TBC1D9: variants seen among roughly 807,000 people sequenced by gnomAD.
The protein encoded by TBC1D9 is TBC1 domain family member 9.
A neutral mutation model predicts 132.0 loss-of-function variants in TBC1D9; 63 were observed. That is an observed-to-expected ratio of 0.48 (90% CI 0.39 to 0.59). The LOEUF (loss-of-function observed/expected upper bound fraction) is 0.59, where lower values mean the gene tolerates loss of function less well. Ranked by LOEUF, TBC1D9 falls within the 20% of genes least tolerant of loss-of-function variation. The probability of loss-of-function intolerance (pLI) is 0.00; values close to 1 mark genes in which losing one functional copy is unlikely to be tolerated. For synonymous variants in TBC1D9, 610 were observed against 609.9 expected (o/e 1.00, Z 0.00); for missense variants, 1,261 against 1,592.7 (o/e 0.79, Z 3.54).
At chr4:140,702,473 GC>G (rs1217722437) in intron 1 of TBC1D9, among the ~76,000 whole-genome samples, 8 of 152,248 alleles carry the variant, frequency 5.3e-5, no homozygotes, top group African/African-American at 7.2e-5. Context: ...GGTGGAAGGT[GC>G]CTCTAAGGTG....
chr4:140,683,070 A>G (rs927021532), intron 3 of TBC1D9, among the ~76,000 whole-genome samples: 1 of 151,670 alleles, frequency 6.6e-6, no homozygotes, highest in East Asian at 1.9e-4. Context: ...TGTATTTTTG[A>G]TTTCTGCATG....
intron 1 of TBC1D9, among the ~76,000 whole-genome samples, chr4:140,717,148 C>T (rs1050841228): frequency 6.6e-6 from 1 of 152,168 alleles, no homozygotes; most frequent in African/African-American, 2.4e-5. Flanking sequence ...CACTTTCTTC[C>T]TCACGTTCTG....
chr4:140,689,962 T>C, intron 2 of TBC1D9, among the ~76,000 whole-genome samples: 1 of 151,282 alleles, frequency 6.6e-6, no homozygotes, highest in Admixed American at 6.6e-5. Flanking sequence ...CCTCAAGCAA[T>C]CCGCCAGCCT....
At chr4:140,630,857 A>G (rs1736783415) in intron 16 of TBC1D9, among the ~76,000 whole-genome samples, 1 of 152,174 alleles carries the variant, frequency 6.6e-6, no homozygotes, top group African/African-American at 2.4e-5. Context: ...AATCATAACC[A>G]ACATTTTTTT....
chr4:140,624,524 C>A, intron 18 of TBC1D9, 136 bp from the exon 19 acceptor site: 1 of 715,016 alleles, frequency 1.4e-6, no homozygotes, highest in South Asian at 2.0e-5. Context: ...AAAAAAAACT[C>A]CTCAAAACAA....
intron 13 of TBC1D9, among the ~76,000 whole-genome samples, chr4:140,650,377 G>A (rs1308892062): frequency 1.3e-5 from 2 of 152,146 alleles, no homozygotes; most frequent in East Asian, 3.8e-4. Context: ...CTTGCCTCAG[G>A]TGGTAAAGAG....
At position 140,657,124 on chromosome 4, in the gene TBC1D9, G is replaced by T; in HGVS notation, c.2310C>A (p.Ile770=). Residue 770 remains isoleucine, a synonymous_variant, in exon 13 of 21, where the codon ATC becomes ATA. Transcript: ENST00000442267. The part of the protein sequence containing the change: ...DDVEPYPEVD[I]FRLIRTSYEK... ...CGTAGGAAGTTCTGATGAGTCTAAA[G>T]ATGTCTACCTCAGGGTAAGGTTCCA... The T allele has an allele frequency of 1.2e-6, 2 of 1,613,976 alleles. No homozygotes were observed. Among genetic ancestry groups the T allele is most frequent in the Non-Finnish European group, 1.7e-6 (2 of 1,179,876 alleles).
At chr4:140,733,929 C>T (rs1738636527) in intron 1 of TBC1D9, among the ~76,000 whole-genome samples, 1 of 151,784 alleles carries the variant, frequency 6.6e-6, no homozygotes, top group Admixed American at 6.6e-5. Context: ...CCCTCCTTCT[C>T]TCCTCCGCTC....
At chr4:140,736,163 GGGAGAGAGTGAGGGGGAA>G (rs558262376) in intron 1 of TBC1D9, among the ~76,000 whole-genome samples, 8 of 151,840 alleles carry the variant, frequency 5.3e-5, no homozygotes, top group Admixed American at 1.3e-4. Flanking sequence ...GGTTTTATTA[GGGAGAGAGTGAGGGGGAA>G]GGAGAGAGTG....
chr4:140,716,939 AAAC>A (rs1201942946), intron 1 of TBC1D9, among the ~76,000 whole-genome samples: 15 of 151,216 alleles, frequency 9.9e-5, no homozygotes, highest in South Asian at 2.1e-4. Context: ...AAAAAAACAC[AAAC>A]AACAACAACA....
intron 3 of TBC1D9, among the ~76,000 whole-genome samples, chr4:140,681,282 A>G (rs1298223368): frequency 6.6e-6 from 1 of 152,102 alleles, no homozygotes; most frequent in Non-Finnish European, 1.5e-5. Flanking sequence ...CCAAGTCTCA[A>G]AGTCTCTTGT....
At chr4:140,637,884 C>G (rs1736906079) in intron 15 of TBC1D9, among the ~76,000 whole-genome samples, 1 of 152,184 alleles carries the variant, frequency 6.6e-6, no homozygotes, top group African/African-American at 2.4e-5. Flanking sequence ...CAGAAAAATG[C>G]AGGGACTGTG....
chr4:140,729,116 G>A (rs1364338350), intron 1 of TBC1D9, among the ~76,000 whole-genome samples: 1 of 152,046 alleles, frequency 6.6e-6, no homozygotes, highest in Non-Finnish European at 1.5e-5. Flanking sequence ...CCTCTGTCAT[G>A]CAGTCCTCAT....
chr4:140,673,735 A>G (rs1737577042), intron 6 of TBC1D9, among the ~76,000 whole-genome samples: 1 of 152,162 alleles, frequency 6.6e-6, no homozygotes, highest in Non-Finnish European at 1.5e-5. Flanking sequence ...CTTCTGATTT[A>G]CCCTGAAATA....
At chr4:140,632,655 C>T (rs926814674) in intron 16 of TBC1D9, among the ~76,000 whole-genome samples, 5 of 152,092 alleles carry the variant, frequency 3.3e-5, no homozygotes, top group Non-Finnish European at 5.9e-5. Flanking sequence ...ATTTCTTTAG[C>T]TAAATATGGA....
In TBC1D9 at chr4:140,621,869, A is replaced by G. The variant is rs1305077100; in HGVS notation, c.*326T>C. On this transcript the variant is annotated 3_prime_UTR_variant, in exon 21 of 21. Coordinates refer to ENST00000442267, the MANE Select transcript of TBC1D9 (RefSeq NM_015130.3). ...AGCATTAAACAGTACTATTTTTTAA[A>G]CCATGTATACAGCTCAACAGCAAGA... is the stretch of plus-strand genomic sequence containing the variant. The G allele has an allele frequency of 1.5e-5, 3 of 195,536 alleles. No individual in the cohort carries two copies. In the East Asian group the frequency reaches 3.7e-4, roughly 24 times the overall value. 12.1% of individuals were successfully genotyped at this position (195,536 alleles called of 1,614,324 possible).
At chr4:140,634,321 G>A (rs1736843818) in intron 15 of TBC1D9, 133 bp from the exon 16 acceptor site, 10 of 1,271,610 alleles carry the variant, frequency 7.9e-6, no homozygotes, top group Non-Finnish European at 1.1e-5. Context: ...GTGGCCTCAG[G>A]GCCCCCTTGG....
intron 9 of TBC1D9, among the ~76,000 whole-genome samples, chr4:140,664,039 C>CAAAA (rs1560877849): frequency 1.2e-5 from 1 of 81,250 alleles, no homozygotes. Context: ...ACTCTCCCCA[C>CAAAA]CAAAAAAAAA....
At chr4:140,715,609 T>G (rs138986198) in intron 1 of TBC1D9, among the ~76,000 whole-genome samples, 189 of 152,372 alleles carry the variant, frequency 1.2e-3, no homozygotes, top group African/African-American at 3.9e-3. Context: ...ACAGCAATAA[T>G]GTTTTCCAGT....
Sources: gnomAD v4.1 joint callset for allele counts (sites outside exome capture counted in the v4.1 genomes callset) on GRCh38, gnomAD v4.1.1 for gene constraint, MANE v1.5 for transcripts, NCBI Gene and HGNC (gene_info 2026-07-23, HGNC 2026-07-21) for gene names.